Variants in ATP2B2 observed in about 807,000 individuals in gnomAD.
ATP2B2 encodes ATPase plasma membrane Ca2+ transporting 2.
Under a neutral mutation model 120.0 loss-of-function variants are expected in ATP2B2, and 15 were observed. The observed-to-expected ratio is 0.12, with a 90% CI of 0.08 to 0.19. The LOEUF is 0.19. ATP2B2 is among the 10% of genes least tolerant of loss of function. The pLI, the probability that ATP2B2 is intolerant of heterozygous loss-of-function variation, is 1.00. For missense variants in ATP2B2, 1,045 were observed against 1,719.8 expected, an observed-to-expected ratio of 0.61 and a Z score of 6.94; for synonymous variants, 694 against 700.3, an observed-to-expected ratio of 0.99 and a Z score of 0.14.
Position 10,400,969 on chromosome 3 carries a change from G to A in ATP2B2, c.765C>T (p.Asp255=). 6.2e-7 allele frequency: 1 copy of A among 1,614,134 alleles called. No homozygotes were observed. Among genetic ancestry groups the A allele is most frequent in the Admixed American group, 1.7e-5 (1 of 60,028 alleles). ...SDQVRKSVDK[D]PMLLSGTHVM... ...GAAGCTCACCTGACAGCAGCATGGG[G>A]TCCTTGTCCACGGACTTGCGCACCT... The change falls in exon 5 of 23, where the codon GAC becomes GAT. Residue 255 remains aspartate, a synonymous_variant. Transcript: ENST00000360273.
intron 1 of ATP2B2, among the ~76,000 whole-genome samples, chr3:10,454,388 G>C (rs2064180969): frequency 6.6e-6 from 1 of 152,174 alleles, no homozygotes. Flanking sequence ...ACAACTGTCT[G>C]CTAGTAAAAG....
chr3:10,689,531 T>TA lies in ATP2B2; in HGVS notation c.-460+18383dup, dbSNP rs951505260. On this transcript the variant is annotated intron_variant, in intron 1 of 21. Transcript: ENST00000646379. ...ATCTAGCATTGCCAGATACCAACATTAAAAAAAATAAGACCTCCTTGGTCA... is the reference window on the plus strand; with the variant it reads ...ATCTAGCATTGCCAGATACCAACATTAAAAAAAAATAAGACCTCCTTGGTCA... Among the ~76,000 whole-genome samples the TA allele has an allele frequency of 2.6e-5, 4 of 151,594 alleles. No homozygotes were observed. The East Asian group carries it at 5.8e-4, about 22-fold the overall frequency.
At chr3:10,581,474 G>A (rs1343519646) in intron 2 of ATP2B2, among the ~76,000 whole-genome samples, 1 of 152,138 alleles carries the variant, frequency 6.6e-6, no homozygotes, top group African/African-American at 2.4e-5. Context: ...GCCGGGGAGC[G>A]CTGGCCCACA....
intron 2 of ATP2B2, among the ~76,000 whole-genome samples, chr3:10,435,931 G>C (rs949862258): frequency 3.3e-5 from 5 of 152,228 alleles, no homozygotes; most frequent in African/African-American, 1.2e-4. Flanking sequence ...CCTGTGTTGA[G>C]TTTTGGCTGT....
At chr3:10,406,957 G>A (rs1575140485) in intron 3 of ATP2B2, among the ~76,000 whole-genome samples, 1 of 152,228 alleles carries the variant, frequency 6.6e-6, no homozygotes, top group Non-Finnish European at 1.5e-5. Flanking sequence ...GGGAAGACGT[G>A]TCTTCTGGTG....
chr3:10,456,136 C>G (rs956651120), intron 1 of ATP2B2, among the ~76,000 whole-genome samples: 1 of 152,106 alleles, frequency 6.6e-6, no homozygotes, highest in Non-Finnish European at 1.5e-5. Flanking sequence ...AAGAAGGAAT[C>G]TATCTTTCGA....
chr3:10,597,582 T>A (rs2068804126), intron 2 of ATP2B2, among the ~76,000 whole-genome samples: 1 of 152,140 alleles, frequency 6.6e-6, no homozygotes, highest in African/African-American at 2.4e-5. Flanking sequence ...AAGTGCCCCC[T>A]CACCCCTATA....
intron 1 of ATP2B2, among the ~76,000 whole-genome samples, chr3:10,679,033 C>G (rs2071316090): frequency 6.6e-6 from 1 of 152,142 alleles, no homozygotes; most frequent in South Asian, 2.1e-4. Flanking sequence ...AGACTTCTAT[C>G]TCTCTCCTGC....
intron 3 of ATP2B2, among the ~76,000 whole-genome samples, chr3:10,521,737 T>C (rs1244253088): frequency 6.6e-6 from 1 of 152,218 alleles, no homozygotes; most frequent in East Asian, 1.9e-4. Context: ...AGTCTGAGTG[T>C]GAGTGGAGAG....
chr3:10,516,979 T>C (rs554117707), intron 3 of ATP2B2, among the ~76,000 whole-genome samples: 3 of 152,268 alleles, frequency 2.0e-5, no homozygotes, highest in Admixed American at 6.5e-5. Flanking sequence ...TGTGTGTGTG[T>C]GTGTGTTTCT....
At chr3:10,471,800 A>C (rs2065015240) in intron 1 of ATP2B2, among the ~76,000 whole-genome samples, 1 of 152,124 alleles carries the variant, frequency 6.6e-6, no homozygotes, top group Admixed American at 6.5e-5. Context: ...ATTAATAATA[A>C]TTTTCTTTTA....
chr3:10,650,718 G>A (rs1190968537), intron 1 of ATP2B2, among the ~76,000 whole-genome samples: 2 of 152,208 alleles, frequency 1.3e-5, no homozygotes, highest in African/African-American at 4.8e-5. Context: ...GCTGTCAGAA[G>A]AGGGCTACCA....
chr3:10,561,167 A>G (rs982351715), intron 2 of ATP2B2, among the ~76,000 whole-genome samples: 4 of 152,194 alleles, frequency 2.6e-5, no homozygotes, highest in African/African-American at 9.7e-5. Flanking sequence ...CTTCTCCACC[A>G]GGCTGAGAGC....
At chr3:10,480,623 A>C (rs1215916727) in intron 1 of ATP2B2, among the ~76,000 whole-genome samples, 3 of 152,196 alleles carry the variant, frequency 2.0e-5, no homozygotes, top group African/African-American at 7.2e-5. Flanking sequence ...AGCTTTTGTC[A>C]GCACCCGCAG....
intron 4 of ATP2B2, 33 bp from the exon 5 acceptor site, chr3:10,401,111 C>T (rs1277137154): frequency 1.9e-6 from 3 of 1,612,364 alleles, no homozygotes; most frequent in Non-Finnish European, 2.5e-6. Context: ...AGTCAGCAGG[C>T]TCTCAGGTGA....
rs371133568 is a variant in ATP2B2 at position 10,599,857 on chromosome 3, T to C, written c.-415+20060A>G. On this transcript the variant is annotated intron_variant, in intron 2 of 21. Transcript: ENST00000646379. ...TTCAAATGGATAAACAAGATCATTTTTGATGGAGGAGGAACGTAGTACGTG... is the reference window on the plus strand; with the variant it reads ...TTCAAATGGATAAACAAGATCATTTCTGATGGAGGAGGAACGTAGTACGTG... 1.1e-4 allele frequency among the ~76,000 whole-genome samples: 16 copies of C among 151,906 alleles called. 1 individual carries two copies. In the South Asian group the frequency reaches 2.5e-3, roughly 24 times the overall value.
chr3:10,515,573 C>T (rs1161590979), intron 3 of ATP2B2, among the ~76,000 whole-genome samples: 4 of 152,152 alleles, frequency 2.6e-5, no homozygotes, highest in Non-Finnish European at 5.9e-5. Context: ...ACCCATCAGC[C>T]TCTGCCTGAA....
At chr3:10,529,913 C>T (rs2067175491) in intron 3 of ATP2B2, among the ~76,000 whole-genome samples, 3 of 152,320 alleles carry the variant, frequency 2.0e-5, no homozygotes, top group South Asian at 2.1e-4. Flanking sequence ...CTCCAAGGAG[C>T]TCCAAAGATG....
intron 2 of ATP2B2, among the ~76,000 whole-genome samples, chr3:10,545,808 G>A (rs2125502968): frequency 6.6e-6 from 1 of 152,194 alleles, no homozygotes; most frequent in Admixed American, 6.5e-5. Context: ...ACATTACTGA[G>A]GAGTCATAGG....
Sources: allele counts gnomAD v4.1 joint callset (sites outside exome capture counted in the v4.1 genomes callset), GRCh38; gene constraint gnomAD v4.1.1; transcripts MANE v1.5; gene names NCBI Gene and HGNC (gene_info 2026-07-23, HGNC 2026-07-21).